The following FAT3 variants were observed in gnomAD, a reference collection of about 807,000 sequenced individuals.
FAT3 encodes protocadherin Fat 3.
Under a neutral mutation model 310.2 loss-of-function variants are expected in FAT3, and 95 were observed. The ratio of observed to expected loss-of-function variants is 0.31; its 90% CI spans 0.26 to 0.36. FAT3 has a LOEUF of 0.36. Among genes scored for constraint, FAT3 ranks in the 10% least tolerant of loss-of-function variants. The pLI, the probability that FAT3 is intolerant of heterozygous loss-of-function variation, is 1.00. For missense variants in FAT3, 5,408 were observed against 5,715.6 expected, an observed-to-expected ratio of 0.95 and a Z score of 1.74; for synonymous variants, 2,314 against 2,192.9, an observed-to-expected ratio of 1.06 and a Z score of -1.54.
intron 1 of FAT3, among the ~76,000 whole-genome samples, chr11:92,262,672 T>A (rs1333416868): frequency 6.6e-6 from 1 of 152,164 alleles, no homozygotes; most frequent in Non-Finnish European, 1.5e-5. Flanking sequence ...AAACAAGCTT[T>A]ATTTTGATAA....
At chr11:92,476,053 C>A (rs1952042877) in intron 2 of FAT3, among the ~76,000 whole-genome samples, 1 of 151,830 alleles carries the variant, frequency 6.6e-6, no homozygotes, top group African/African-American at 2.4e-5. Context: ...GGCTGGCCAG[C>A]AGTGAGTGTG....
At chr11:92,516,745 G>A (rs376152001) in intron 2 of FAT3, among the ~76,000 whole-genome samples, 16 of 152,084 alleles carry the variant, frequency 1.1e-4, no homozygotes, top group African/African-American at 1.7e-4. Flanking sequence ...AAACCCCGTC[G>A]TCTCAGCCCC....
chr11:92,628,452 A>C (rs967085936), intron 3 of FAT3, among the ~76,000 whole-genome samples: 1 of 151,206 alleles, frequency 6.6e-6, no homozygotes, highest in East Asian at 1.9e-4. Context: ...GTGAGCAGCT[A>C]TGATAATATG....
At chr11:92,561,578 CA>C (rs2135470803) in intron 3 of FAT3, among the ~76,000 whole-genome samples, 1 of 152,014 alleles carries the variant, frequency 6.6e-6, no homozygotes, top group African/African-American at 2.4e-5. Context: ...AAACTGGCAT[CA>C]ACATTTTGAT....
At chr11:92,417,615 G>C (rs1168975822) in intron 2 of FAT3, among the ~76,000 whole-genome samples, 2 of 152,146 alleles carry the variant, frequency 1.3e-5, no homozygotes, top group African/African-American at 4.8e-5. Context: ...CATTTGACAG[G>C]TGGATCAGAA....
intron 2 of FAT3, among the ~76,000 whole-genome samples, chr11:92,440,432 C>T (rs999238150): frequency 3.9e-5 from 6 of 152,180 alleles, no homozygotes; most frequent in Admixed American, 2.6e-4. Context: ...CTCAGATCAT[C>T]GTTGGGTTGA....
At chr11:92,247,583 A>G (rs1022294124) in intron 1 of FAT3, among the ~76,000 whole-genome samples, 2 of 151,988 alleles carry the variant, frequency 1.3e-5, no homozygotes, top group Non-Finnish European at 2.9e-5. Context: ...AATTTCCTCT[A>G]TAAAAGAGAG....
intron 2 of FAT3, among the ~76,000 whole-genome samples, chr11:92,412,402 A>ATTTTTTTTTTT (rs780298367): frequency 2.1e-4 from 21 of 101,134 alleles, no homozygotes; most frequent in Non-Finnish European, 2.9e-4. Context: ...GACCCGGCCT[A>ATTTTTTTTTTT]TTTTTTTTTT....
intron 3 of FAT3, among the ~76,000 whole-genome samples, chr11:92,592,452 G>A (rs1220137271): frequency 6.6e-6 from 1 of 150,516 alleles, no homozygotes; most frequent in Non-Finnish European, 1.5e-5. Flanking sequence ...CTCCTGAGTA[G>A]CTAGGATTAC....
chr11:92,365,325 C>T (rs1217152110), intron 2 of FAT3, among the ~76,000 whole-genome samples: 1 of 152,030 alleles, frequency 6.6e-6, no homozygotes, highest in Non-Finnish European at 1.5e-5. Context: ...CACACACATA[C>T]CCTAAAAGAT....
intron 1 of FAT3, among the ~76,000 whole-genome samples, chr11:92,280,095 C>T (rs1198691375): frequency 6.6e-6 from 1 of 152,078 alleles, no homozygotes; most frequent in East Asian, 1.9e-4. Flanking sequence ...TAGATTACAA[C>T]AACAACAAAA....
At chr11:92,701,507 T>C (rs1030620750) in intron 4 of FAT3, among the ~76,000 whole-genome samples, 4 of 152,228 alleles carry the variant, frequency 2.6e-5, no homozygotes, top group Non-Finnish European at 5.9e-5. Context: ...AGCTTATACT[T>C]CTTCAGTGAA....
intron 3 of FAT3, among the ~76,000 whole-genome samples, chr11:92,534,749 A>G (rs976417099): frequency 1.8e-4 from 28 of 152,208 alleles, no homozygotes; most frequent in Non-Finnish European, 8.8e-5. Context: ...TTCGTCACCG[A>G]AGACAAGATT....
intron 3 of FAT3, among the ~76,000 whole-genome samples, chr11:92,526,987 A>T (rs1440982358): frequency 1.3e-5 from 2 of 152,228 alleles, no homozygotes; most frequent in Non-Finnish European, 2.9e-5. Context: ...TAAACTTAAG[A>T]TATGGTCCCA....
chr11:92,781,727 T>A (rs918353990), intron 7 of FAT3, among the ~76,000 whole-genome samples: 3 of 152,170 alleles, frequency 2.0e-5, no homozygotes, highest in Admixed American at 1.3e-4. Context: ...TTCTTCAGCA[T>A]AAAGAGAATA....
chr11:92,368,322 A>G (rs59188267), intron 2 of FAT3, among the ~76,000 whole-genome samples: 2,612 of 152,314 alleles, frequency 0.017, 88 homozygotes, highest in African/African-American at 0.06. Context: ...GCCAATTTTT[A>G]ACATTGTGTA....
intron 3 of FAT3, among the ~76,000 whole-genome samples, chr11:92,642,835 G>A (rs1942012366): frequency 6.6e-6 from 1 of 152,164 alleles, no homozygotes; most frequent in Non-Finnish European, 1.5e-5. Flanking sequence ...GAACTCTTAA[G>A]CATATCCTTC....
intron 13 of FAT3, among the ~76,000 whole-genome samples, chr11:92,815,962 T>C (rs1264946966): frequency 6.6e-6 from 1 of 152,242 alleles, no homozygotes; most frequent in Non-Finnish European, 1.5e-5. Flanking sequence ...AAGTCACATC[T>C]GTAAAACTAA....
At chr11:92,753,469 A>G (rs1035049709) in intron 4 of FAT3, among the ~76,000 whole-genome samples, 13 of 152,232 alleles carry the variant, frequency 8.5e-5, no homozygotes, top group Non-Finnish European at 1.3e-4. Flanking sequence ...CTGTATAGCT[A>G]CAACAAGTAA....
Sources: gnomAD v4.1 joint callset for allele counts (sites outside exome capture counted in the v4.1 genomes callset) on GRCh38, gnomAD v4.1.1 for gene constraint, MANE v1.5 for transcripts, NCBI Gene and HGNC (gene_info 2026-07-23, HGNC 2026-07-21) for gene names.